Variants in ADRA1A observed in about 807,000 individuals in gnomAD.
The protein encoded by ADRA1A is adrenoceptor alpha 1A, also known as alpha-1A adrenergic receptor.
In ADRA1A, 31 loss-of-function variants were observed where a neutral mutation model predicts 29.6. The ratio of observed to expected loss-of-function variants is 1.05; its 90% confidence interval spans 0.79 to 1.41. ADRA1A has a LOEUF of 1.41. Ranked by LOEUF, ADRA1A falls within the 40% of genes most tolerant of loss-of-function variation. ADRA1A has a pLI of 0.00. For missense variants in ADRA1A, 619 were observed against 601.1 expected, an observed-to-expected ratio of 1.03 and a Z score of -0.31; for synonymous variants, 311 against 254.3, an observed-to-expected ratio of 1.22 and a Z score of -2.12.
chr8:26,835,506 C>T (rs2019374), intron 2 of ADRA1A, among the ~76,000 whole-genome samples: 1 of 152,024 alleles, frequency 6.6e-6, no homozygotes, highest in Non-Finnish European at 1.5e-5. Flanking sequence ...TTCTTCACAG[C>T]GCAGCAGGAG....
rs4236679 is a variant in ADRA1A, at chr8:26,769,040, G to A, written c.*1109C>T. 74,710 of 985,220 alleles carry A rather than the reference G, an allele frequency of 0.076. 4,332 individuals carry two copies. Among genetic ancestry groups the A allele is most frequent in the East Asian group, 0.45 (3,932 of 8,782 alleles). The allele number at this position is 985,220 out of a possible 1,614,324, so 61.0% of individuals were successfully genotyped here. On this transcript the variant is annotated 3_prime_UTR_variant, in exon 3 of 3. Transcript: ENST00000380573. The stretch of plus-strand genomic sequence containing the variant: ...TAAGCATTAGTATTTTTCAAAGTTC[G>A]GGAATAATGTACTTGGATCATAAGG...
At chr8:26,758,211 C>T (rs925054659) in intron 2 of ADRA1A, among the ~76,000 whole-genome samples, 3 of 152,228 alleles carry the variant, frequency 2.0e-5, no homozygotes, top group South Asian at 2.1e-4. Context: ...ACCTGAGCCG[C>T]GGTGCAGCAG....
downstream of ADRA1A, among the ~76,000 whole-genome samples, chr8:26,768,520 G>C (rs955942658): frequency 2.0e-5 from 3 of 152,160 alleles, no homozygotes; most frequent in Non-Finnish European, 4.4e-5. Context: ...AATGCTCTAA[G>C]ATCCGAGATT....
chr8:26,757,151 A>T (rs1269304875), intron 2 of ADRA1A: 1 of 701,912 alleles, frequency 1.4e-6, no homozygotes, highest in Non-Finnish European at 2.6e-6. Context: ...TGTTTATATA[A>T]AGCAGAGTTG....
At chr8:26,752,327 A>G (rs918551885), downstream of ADRA1A, among the ~76,000 whole-genome samples, 3 of 152,204 alleles carry the variant, frequency 2.0e-5, no homozygotes, top group African/African-American at 4.8e-5. Flanking sequence ...TGCTATTTAC[A>G]TAGTACCAGA....
At position 26,825,914 on chromosome 8, in the gene ADRA1A, A is replaced by T. The variant is rs1004394634; in HGVS notation, c.883+38173T>A. Among the ~76,000 whole-genome samples the T allele has an allele frequency of 4.6e-5, 7 of 152,176 alleles. No individual in the cohort carries two copies. The highest frequency in any genetic ancestry group is 1.5e-5 in the Non-Finnish European group (1 of 68,024). On this transcript the variant is annotated intron_variant, in intron 2 of 2. Transcript: ENST00000380573. This position sits in a 1 kb window ranked among gnomAD's most constrained non-coding sequence, Gnocchi z 5.7. The stretch of plus-strand genomic sequence containing the variant: ...TGAGCCCCATTCCTTGAATTCCTAC[A>T]ATGTCCCAAGTGCTGAGCTGGGCAC...
chr8:26,765,826 G>C, downstream of ADRA1A: 1 of 1,356,864 alleles, frequency 7.4e-7, no homozygotes, highest in Non-Finnish European at 9.5e-7. Flanking sequence ...GAGAAAGTTT[G>C]TCAAGCTCTG....
chr8:26,785,686 C>T (rs1908655), intron 2 of ADRA1A, among the ~76,000 whole-genome samples: 14,130 of 152,126 alleles, frequency 0.093, 971 homozygotes, highest in East Asian at 0.33. Flanking sequence ...GGCTTCAGTC[C>T]TTGCTTATTT....
At chr8:26,842,759 T>A (rs1403140023) in intron 2 of ADRA1A, among the ~76,000 whole-genome samples, 1 of 152,022 alleles carries the variant, frequency 6.6e-6, no homozygotes, top group African/African-American at 2.4e-5. Context: ...CCCAGAATAA[T>A]ATCATCCCTG....
chr8:26,770,002 G>A lies in ADRA1A; in HGVS notation c.*147C>T. ...CTTCCCTGTGCCCTACCCGCTGCCT[G>A]ATGAGTTGGGTCTACCACCCACCCC... On this transcript the variant is annotated 3_prime_UTR_variant, in exon 3 of 3. Coordinates refer to ENST00000380573, the MANE Select transcript of ADRA1A (RefSeq NM_000680.4). 6.9e-7 allele frequency: 1 copy of A among 1,447,972 alleles called. No homozygotes were observed. The highest frequency in any genetic ancestry group is 9.1e-7 in the Non-Finnish European group (1 of 1,104,694). The allele number at this position is 1,447,972 out of a possible 1,614,324, so 89.7% of individuals were successfully genotyped here. A position where few individuals can be genotyped will look rare whatever the true frequency, so the allele number is the denominator to read the frequency against.
chr8:26,860,467 C>G lies in ADRA1A; in HGVS notation c.883+3620G>C, dbSNP rs1430703946. 2.0e-5 allele frequency among the ~76,000 whole-genome samples: 3 copies of G among 152,148 alleles called. No individual in the cohort carries two copies. On this transcript the variant is annotated intron_variant, in intron 2 of 2. Coordinates refer to ENST00000380573, the MANE Select transcript of ADRA1A (RefSeq NM_000680.4). The surrounding 1 kb of genome is among the most constrained non-coding windows in gnomAD (Gnocchi z 4.7). Reference sequence around the variant, plus strand: ...CTCTTAGAGAAAAACACACAACCCTCCTTCCCGCTGTACTTTAATGTTATG... The same window carrying G: ...CTCTTAGAGAAAAACACACAACCCTGCTTCCCGCTGTACTTTAATGTTATG...
At chr8:26,832,277 G>A (rs956763346) in intron 2 of ADRA1A, among the ~76,000 whole-genome samples, 4 of 152,154 alleles carry the variant, frequency 2.6e-5, no homozygotes, top group African/African-American at 9.7e-5. Context: ...AAGTGACCTG[G>A]CAACATCGTT....
intron 2 of ADRA1A, among the ~76,000 whole-genome samples, chr8:26,816,935 G>A (rs1413703312): frequency 6.6e-6 from 1 of 152,176 alleles, no homozygotes; most frequent in Non-Finnish European, 1.5e-5. Context: ...AGAAAATGTA[G>A]TAGAAAAATC....
At chr8:26,761,980 A>G (rs1177921521), downstream of ADRA1A, among the ~76,000 whole-genome samples, 1 of 152,300 alleles carries the variant, frequency 6.6e-6, no homozygotes, top group African/African-American at 2.4e-5. Flanking sequence ...TGGGTTAAGC[A>G]TTGCTCAATG....
At position 26,806,410 on chromosome 8, in the gene ADRA1A, G is replaced by GA. The variant is rs904063530; in HGVS notation, c.884-35745dup. Among the ~76,000 whole-genome samples the GA allele has an allele frequency of 9.4e-5, 14 of 149,448 alleles. No homozygotes were observed. The highest frequency in any genetic ancestry group is 2.9e-4 in the African/African-American group (12 of 40,770). ...CCTGTTAATAGTGGCCTTAGGTAAGGAAAAAAAAAGAGCATGATTCAAGTT... is the reference window on the plus strand; with the variant it reads ...CCTGTTAATAGTGGCCTTAGGTAAGGAAAAAAAAAAGAGCATGATTCAAGTT... On this transcript the variant is annotated intron_variant, in intron 2 of 2. Coordinates refer to ENST00000380573, the MANE Select transcript of ADRA1A (RefSeq NM_000680.4). The surrounding 1 kb of genome is among the most constrained non-coding windows in gnomAD (Gnocchi z 4.6).
chr8:26,750,991 C>A (rs1199968974), intron 2 of ADRA1A, among the ~76,000 whole-genome samples: 25 of 152,016 alleles, frequency 1.6e-4, no homozygotes, highest in Non-Finnish European at 1.2e-4. Flanking sequence ...ATCACTTGAA[C>A]CCAGGAGGCG....
At chr8:26,809,625 A>C (rs572633738) in intron 2 of ADRA1A, among the ~76,000 whole-genome samples, 76 of 152,332 alleles carry the variant, frequency 5.0e-4, no homozygotes, top group East Asian at 9.7e-4. Context: ...AATCTTATAA[A>C]CTGTAGTGAA....
chr8:26,864,171 C>A lies in ADRA1A; in HGVS notation c.799G>T (p.Glu267Ter), dbSNP rs1393618610. Residue 267 changes from glutamate (E) to a stop codon, truncating the protein, a stop_gained, in exon 2 of 3, where the codon GAG becomes TAG. Transcript: ENST00000380573. LOFTEE classifies it high-confidence loss of function. This position sits in a 1 kb window ranked among gnomAD's most constrained non-coding sequence, Gnocchi z 8.1. ...CCCAGCGTTTTGGCCGCTTTCTTCT[C>A]CCGGGAGAACTTGAGGAGCCTCACT... The part of the protein sequence containing the change: ...FSVRLLKFSR[E>*]KKAAKTLGIV... The A allele has an allele frequency of 6.2e-7, 1 of 1,614,142 alleles. No individual in the cohort carries two copies. The highest frequency in any genetic ancestry group is 1.7e-5 in the Admixed American group (1 of 60,022).
chr8:26,770,612 C>A lies in ADRA1A; in HGVS notation c.938G>T (p.Trp313Leu). 6.2e-7 allele frequency: 1 copy of A among 1,614,052 alleles called. No individual in the cohort carries two copies. Among genetic ancestry groups the A allele is most frequent in the South Asian group, 1.1e-5 (1 of 91,048 alleles). ...PSETVFKIVF[W>L]LGYLNSCINP... Reference sequence around the variant, plus strand: ...GATGCAGCTGTTTAGATATCCGAGCCAAAATACTATTTTAAAAACTGTTTC... The same window carrying A: ...GATGCAGCTGTTTAGATATCCGAGCAAAAATACTATTTTAAAAACTGTTTC... The change falls in exon 3 of 3, where the codon TGG becomes TTG. Residue 313 changes from tryptophan to leucine, a missense_variant. Trp to Leu is a moderately conservative substitution (Grantham distance 61). Transcript: ENST00000380573.
Sources: gnomAD v4.1 joint callset for allele counts (sites outside exome capture counted in the v4.1 genomes callset) on GRCh38, gnomAD v4.1.1 for gene constraint, Gnocchi (gnomAD v3.1) non-coding constraint, MANE v1.5 for transcripts, NCBI Gene and HGNC (gene_info 2026-07-23, HGNC 2026-07-21) for gene names.